The following RIMS4 variants were observed in gnomAD, a reference collection of about 807,000 sequenced individuals.
RIMS4 encodes the protein regulating synaptic membrane exocytosis 4.
Under a neutral mutation model 29.0 loss-of-function variants are expected in RIMS4, and 9 were observed. The observed-to-expected ratio is 0.31, with a 90% CI of 0.19 to 0.54. The LOEUF (loss-of-function observed/expected upper bound fraction) is 0.54, where lower values mean the gene tolerates loss of function less well. Ranked by LOEUF, RIMS4 falls within the 20% of genes least tolerant of loss-of-function variation. The pLI, the probability that RIMS4 is intolerant of heterozygous loss-of-function variation, is 0.94. For synonymous variants in RIMS4, 130 were observed against 152.9 expected (o/e 0.85, Z 1.10); for missense variants, 193 against 365.7 (o/e 0.53, Z 3.85).
intron 1 of RIMS4, among the ~76,000 whole-genome samples, chr20:44,804,490 C>T (rs1480720144): frequency 6.6e-6 from 1 of 152,170 alleles, no homozygotes; most frequent in Non-Finnish European, 1.5e-5. Context: ...AAAGTGGCAC[C>T]TTTCCAGCAA....
chr20:44,790,994 T>G (rs961029422), intron 1 of RIMS4, among the ~76,000 whole-genome samples: 1 of 152,258 alleles, frequency 6.6e-6, no homozygotes, highest in Admixed American at 6.5e-5. Flanking sequence ...TAGGTCTGCC[T>G]TGCCAAGTCT....
At chr20:44,769,472 T>C (rs11086939) in intron 2 of RIMS4, among the ~76,000 whole-genome samples, 41,774 of 152,012 alleles carry the variant, frequency 0.27, 6,374 homozygotes, top group East Asian at 0.47. Flanking sequence ...GGGGCATGAG[T>C]GGCAGAGCCA....
At chr20:44,767,593 A>G (rs148266869) in intron 2 of RIMS4, among the ~76,000 whole-genome samples, 84 of 152,348 alleles carry the variant, frequency 5.5e-4, no homozygotes, top group African/African-American at 2.0e-3. Context: ...ACCATTAAAG[A>G]GAAAAAGAGT....
intron 1 of RIMS4, among the ~76,000 whole-genome samples, chr20:44,796,799 G>A (rs916849536): frequency 1.3e-5 from 2 of 152,234 alleles, no homozygotes; most frequent in Non-Finnish European, 2.9e-5. Flanking sequence ...GTTTTGCCTG[G>A]AAGGAACAAA....
chr20:44,788,393 T>G (rs560554428), intron 1 of RIMS4, among the ~76,000 whole-genome samples: 12 of 152,318 alleles, frequency 7.9e-5, no homozygotes, highest in African/African-American at 2.6e-4. Context: ...GGGCTAGAAC[T>G]TGGTCTCTTG....
intron 1 of RIMS4, among the ~76,000 whole-genome samples, chr20:44,793,929 C>T (rs1215093295): frequency 6.6e-6 from 1 of 152,148 alleles, no homozygotes; most frequent in East Asian, 1.9e-4. Context: ...ATTAGCTGGG[C>T]AGGCTGGCAT....
intron 1 of RIMS4, among the ~76,000 whole-genome samples, chr20:44,779,660 G>T (rs568157992): frequency 1.9e-4 from 29 of 152,236 alleles, no homozygotes; most frequent in Non-Finnish European, 3.2e-4. Flanking sequence ...TGAGCATCTG[G>T]GTGGGTAGCC....
intron 1 of RIMS4, among the ~76,000 whole-genome samples, chr20:44,787,762 T>C (rs1308878792): frequency 6.6e-6 from 1 of 151,172 alleles, no homozygotes; most frequent in East Asian, 1.9e-4. Flanking sequence ...AGGTTCAAGG[T>C]TATAAACTCC....
At chr20:44,786,874 T>C (rs1344101685) in intron 1 of RIMS4, among the ~76,000 whole-genome samples, 2 of 152,206 alleles carry the variant, frequency 1.3e-5, no homozygotes, top group Non-Finnish European at 2.9e-5. Context: ...ACTCATTCAC[T>C]CACAAAGTAT....
intron 2 of RIMS4, 139 bp from the exon 3 acceptor site, chr20:44,758,323 G>T: frequency 1.6e-6 from 1 of 625,296 alleles, no homozygotes; most frequent in Non-Finnish European, 2.8e-6. Flanking sequence ...CCAGTATCTG[G>T]CTCATGTGGT....
chr20:44,782,703 G>A (rs1269996382), intron 1 of RIMS4, among the ~76,000 whole-genome samples: 1 of 152,172 alleles, frequency 6.6e-6, no homozygotes, highest in Non-Finnish European at 1.5e-5. Context: ...GGAACCATGA[G>A]GGAATTCTTC....
At chr20:44,772,986 ACT>A (rs895405516) in intron 1 of RIMS4, among the ~76,000 whole-genome samples, 2 of 151,722 alleles carry the variant, frequency 1.3e-5, no homozygotes, top group Non-Finnish European at 2.9e-5. Flanking sequence ...AGATACAAAC[ACT>A]CTGTTTCTCA....
At chr20:44,788,239 TA>T (rs965370709) in intron 1 of RIMS4, among the ~76,000 whole-genome samples, 2 of 151,890 alleles carry the variant, frequency 1.3e-5, no homozygotes, top group African/African-American at 2.4e-5. Context: ...ACTTAAACTT[TA>T]AAAAAAAATT....
intron 2 of RIMS4, among the ~76,000 whole-genome samples, chr20:44,759,443 G>A (rs191967172): frequency 1.1e-4 from 17 of 152,148 alleles, no homozygotes; most frequent in Admixed American, 9.8e-4. Context: ...TTTTTTAGTA[G>A]AGACAGAGTT....
At chr20:44,808,922 G>A (rs750733082) in intron 1 of RIMS4, among the ~76,000 whole-genome samples, 1 of 152,116 alleles carries the variant, frequency 6.6e-6, no homozygotes, top group Admixed American at 6.5e-5. Context: ...TATGCACTTC[G>A]GGAGAGATAG....
rs2066136264 is a variant in RIMS4, at chr20:44,771,305, T to C, written c.206A>G (p.Asp69Gly). ...LRQASHESIE[D>G]SMNSYGSEGN... ...CTCTGAGCCATAGCTGTTCATGCTG[T>C]CCTCAATGGACTCGTGGCTGGCCTG... is the stretch of plus-strand genomic sequence containing the variant. The change falls in exon 2 of 6, where the codon GAC (aspartate) becomes GGC (glycine). Residue 69 changes from aspartate to glycine, a missense_variant. Transcript: ENST00000372851. 4 of 1,613,806 alleles carry C rather than the reference T, an allele frequency of 2.5e-6. No individual in the cohort carries two copies. The highest frequency in any genetic ancestry group is 3.4e-6 in the Non-Finnish European group (4 of 1,179,722).
intron 1 of RIMS4, among the ~76,000 whole-genome samples, chr20:44,792,083 G>A (rs962020179): frequency 7.9e-5 from 12 of 152,120 alleles, no homozygotes; most frequent in African/African-American, 2.4e-4. Context: ...TGGAATCACC[G>A]TTATCTGCTC....
chr20:44,758,005 G>C, intron 3 of RIMS4, 67 bp downstream of exon 3: 2 of 1,197,856 alleles, frequency 1.7e-6, no homozygotes, highest in Non-Finnish European at 1.2e-6. Flanking sequence ...AGGAGGGAGA[G>C]ACGCTGAGCT....
In RIMS4 at chr20:44,754,871, G is replaced by A. The variant is rs1568892248; in HGVS notation, c.*1263C>T. ...GTGGCAGGCTTCTGGGTGCCTCCCAGGGGAGGTGGCAGAAATGTGCTTCTA... is the reference window on the plus strand; with the variant it reads ...GTGGCAGGCTTCTGGGTGCCTCCCAAGGGAGGTGGCAGAAATGTGCTTCTA... On this transcript the variant is annotated 3_prime_UTR_variant, in exon 6 of 6. Coordinates refer to ENST00000372851, the MANE Select transcript of RIMS4 (RefSeq NM_182970.4). 6.6e-6 allele frequency: 1 copy of A among 152,632 alleles called. No individual in the cohort carries two copies. Among genetic ancestry groups the A allele is most frequent in the Admixed American group, 6.5e-5 (1 of 15,282 alleles). 9.5% of individuals were successfully genotyped at this position (152,632 alleles called of 1,614,324 possible).
Sources: gnomAD v4.1 joint callset for allele counts (sites outside exome capture counted in the v4.1 genomes callset) on GRCh38, gnomAD v4.1.1 for gene constraint, MANE v1.5 for transcripts, NCBI Gene and HGNC (gene_info 2026-07-23, HGNC 2026-07-21) for gene names.